The following PIGL variants were observed in gnomAD, a reference collection of about 807,000 sequenced individuals.
PIGL encodes phosphatidylinositol glycan anchor biosynthesis class L, also known as N-acetylglucosaminyl-phosphatidylinositol de-N-acetylase.
Under a neutral mutation model 31.1 loss-of-function variants are expected in PIGL, and 22 were observed. The observed-to-expected ratio is 0.71, with a 90% CI of 0.51 to 1.01. The LOEUF (loss-of-function observed/expected upper bound fraction) is 1.01. Among genes scored for constraint, PIGL ranks in the 50% least tolerant of loss-of-function variants. The pLI is 0.00. For synonymous variants in PIGL, 131 were observed against 117.4 expected, an observed-to-expected ratio of 1.12 and a Z score of -0.75; for missense variants, 302 against 315.9, an observed-to-expected ratio of 0.96 and a Z score of 0.33.
At chr17:16,236,210 C>T (rs2092699208) in intron 2 of PIGL, among the ~76,000 whole-genome samples, 1 of 152,202 alleles carries the variant, frequency 6.6e-6, no homozygotes, top group Admixed American at 6.5e-5. Context: ...CGTACACCTA[C>T]AGTCGTGATC....
At chr17:16,222,712 T>TAAA (rs879455312) in intron 1 of PIGL, among the ~76,000 whole-genome samples, 1 of 139,108 alleles carries the variant, frequency 7.2e-6, no homozygotes. Context: ...AAGCTGCTAT[T>TAAA]AAAAAAAAAA....
intron 3 of PIGL, among the ~76,000 whole-genome samples, chr17:16,302,182 T>G (rs1311201763): frequency 6.6e-6 from 1 of 152,146 alleles, no homozygotes; most frequent in African/African-American, 2.4e-5. Flanking sequence ...CTCATCTCCA[T>G]CTTTCTCTGC....
intron 1 of PIGL, 173 bp downstream of exon 1, chr17:16,217,634 G>GC: frequency 7.5e-6 from 4 of 529,952 alleles, no homozygotes; most frequent in Admixed American, 3.5e-5. Flanking sequence ...GGCTTACCTG[G>GC]TGGGTTGGGG....
At chr17:16,323,492 C>T (rs1280018381) in intron 6 of PIGL, among the ~76,000 whole-genome samples, 3 of 152,024 alleles carry the variant, frequency 2.0e-5, no homozygotes, top group African/African-American at 7.2e-5. Flanking sequence ...CCTCAACCTC[C>T]CAAAGTGGTG....
At chr17:16,300,187 G>A in intron 3 of PIGL, 3 of 535,364 alleles carry the variant, frequency 5.6e-6, no homozygotes, top group South Asian at 5.0e-5. Flanking sequence ...GTGTGAGACT[G>A]AATAACTAAA....
chr17:16,304,809 T>C (rs1433676909), intron 3 of PIGL, among the ~76,000 whole-genome samples: 2 of 152,148 alleles, frequency 1.3e-5, no homozygotes, highest in African/African-American at 4.8e-5. Flanking sequence ...AATACAACAG[T>C]GAGCCAGAAG....
chr17:16,265,187 A>T (rs1348379439), intron 2 of PIGL, among the ~76,000 whole-genome samples: 2 of 152,194 alleles, frequency 1.3e-5, no homozygotes, highest in African/African-American at 4.8e-5. Context: ...AATAAAGGGA[A>T]TAGTGTTACC....
intron 2 of PIGL, among the ~76,000 whole-genome samples, chr17:16,258,093 G>GAA (rs2092802817): frequency 5.3e-5 from 7 of 132,840 alleles, no homozygotes; most frequent in African/African-American, 2.0e-4. Context: ...GAGAGAGAGA[G>GAA]AGAGAGAGAA....
chr17:16,220,731 G>C (rs1342255578), intron 1 of PIGL, among the ~76,000 whole-genome samples: 1 of 151,918 alleles, frequency 6.6e-6, no homozygotes, highest in African/African-American at 2.4e-5. Context: ...CAGGTGATCC[G>C]CCCACCTTGG....
chr17:16,319,692 T>G (rs1387907019), intron 6 of PIGL, among the ~76,000 whole-genome samples: 2 of 150,350 alleles, frequency 1.3e-5, no homozygotes, highest in Non-Finnish European at 3.0e-5. Flanking sequence ...GAGGCGGAGG[T>G]TGCAGTGATC....
At chr17:16,227,808 G>A (rs178790) in intron 1 of PIGL, among the ~76,000 whole-genome samples, 67,505 of 151,236 alleles carry the variant, frequency 0.45, 16,166 homozygotes, top group Middle Eastern at 0.58. Flanking sequence ...TCGAACTCCC[G>A]ACCTCAGGTG....
At chr17:16,288,526 C>A (rs1459174943) in intron 2 of PIGL, among the ~76,000 whole-genome samples, 1 of 145,202 alleles carries the variant, frequency 6.9e-6, no homozygotes, top group African/African-American at 2.6e-5. Context: ...TTCTTTTTTT[C>A]TTTTCTTTTT....
At chr17:16,233,944 C>G (rs749560507) in intron 1 of PIGL, 27 bp from the exon 2 acceptor site, 1 of 1,288,548 alleles carries the variant, frequency 7.8e-7, no homozygotes, top group South Asian at 1.2e-5. Context: ...AAAAAAAAAT[C>G]TACCACTGTA....
intron 2 of PIGL, among the ~76,000 whole-genome samples, chr17:16,289,921 C>T (rs915867214): frequency 2.0e-5 from 3 of 151,968 alleles, no homozygotes; most frequent in Non-Finnish European, 2.9e-5. Context: ...GGATTACAGG[C>T]GCCCACCACT....
chr17:16,312,163 CG>C (rs1330529920), intron 3 of PIGL, among the ~76,000 whole-genome samples: 1 of 149,870 alleles, frequency 6.7e-6, no homozygotes, highest in Non-Finnish European at 1.5e-5. Flanking sequence ...CCCTCCCGGA[CG>C]GGGCGGCTGC....
chr17:16,220,626 T>G (rs975898712), intron 1 of PIGL, among the ~76,000 whole-genome samples: 12 of 151,684 alleles, frequency 7.9e-5, no homozygotes, highest in African/African-American at 2.4e-4. Context: ...GTAGCGGGAT[T>G]ACAGGCATTC....
chr17:16,245,900 AG>A (rs1358510589), intron 2 of PIGL, among the ~76,000 whole-genome samples: 1 of 151,228 alleles, frequency 6.6e-6, no homozygotes, highest in African/African-American at 2.4e-5. Context: ...GCTCGCTTCA[AG>A]CTCTGCCTCC....
intron 2 of PIGL, among the ~76,000 whole-genome samples, chr17:16,264,917 G>T (rs186616546): frequency 3.3e-5 from 5 of 152,154 alleles, no homozygotes; most frequent in African/African-American, 1.2e-4. Context: ...GTGAGCCACC[G>T]CGCCTGGCTA....
intron 3 of PIGL, chr17:16,312,934 G>GGGGAGA (rs1052790769): frequency 6.7e-6 from 1 of 148,652 alleles, no homozygotes; most frequent in Non-Finnish European, 1.5e-5. Context: ...GGGAAGGGGG[G>GGGGAGA]GGGAGAGGGA....
Sources: gnomAD v4.1 joint callset for allele counts (sites outside exome capture counted in the v4.1 genomes callset) on GRCh38, gnomAD v4.1.1 for gene constraint, MANE v1.5 for transcripts, NCBI Gene and HGNC (gene_info 2026-07-23, HGNC 2026-07-21) for gene names.